The following ARMH1 variants were observed in gnomAD, a reference collection of about 807,000 sequenced individuals.
ARMH1 encodes the protein armadillo-like helical domain containing protein 1.
In ARMH1, 34 loss-of-function variants were observed where a neutral mutation model predicts 50.2. That is an observed-to-expected ratio of 0.68 (90% CI 0.51 to 0.90). ARMH1 has a LOEUF of 0.90. Among genes scored for constraint, ARMH1 ranks in the 40% least tolerant of loss-of-function variants. The probability of loss-of-function intolerance (pLI) is 0.00; values close to 1 mark genes in which losing one functional copy is unlikely to be tolerated. For missense variants in ARMH1, 538 were observed against 553.9 expected (o/e 0.97, Z 0.29); for synonymous variants, 221 against 224.2 (o/e 0.99, Z 0.13).
rs1415720255 is a variant in ARMH1, at chr1:44,682,750, A to T, written c.-22-6926A>T. Among the ~76,000 whole-genome samples the T allele has an allele frequency of 6.6e-6, 1 of 152,042 alleles. No homozygotes were observed. Among genetic ancestry groups the T allele is most frequent in the Non-Finnish European group, 1.5e-5 (1 of 68,008 alleles). On this transcript the variant is annotated intron_variant, in intron 1 of 11. Transcript: ENST00000535358. The surrounding 1 kb of genome is among the most constrained non-coding windows in gnomAD (Gnocchi z 4.5). Reference sequence around the variant, plus strand: ...ACACCAGCCTGGGCAACGAAGCAAGACCCCACCTCTACAAAAAATAAACAA... The same window carrying T: ...ACACCAGCCTGGGCAACGAAGCAAGTCCCCACCTCTACAAAAAATAAACAA...
intron 6 of ARMH1, among the ~76,000 whole-genome samples, chr1:44,714,174 G>A (rs1362789236): frequency 2.6e-5 from 4 of 151,764 alleles, no homozygotes; most frequent in Non-Finnish European, 5.9e-5. Flanking sequence ...GGAGGCTGAG[G>A]CAGTAGAATG....
intron 1 of ARMH1, among the ~76,000 whole-genome samples, chr1:44,675,471 A>G (rs1645105164): frequency 6.6e-6 from 1 of 152,130 alleles, no homozygotes. Context: ...AGCCTGGGCA[A>G]CATAGTGAGA....
intron 6 of ARMH1, among the ~76,000 whole-genome samples, chr1:44,719,574 G>A (rs1647000687): frequency 6.6e-6 from 1 of 152,214 alleles, no homozygotes; most frequent in South Asian, 2.1e-4. Context: ...CCAGACCACT[G>A]CTCTTTTGGA....
At chr1:44,711,647 A>G (rs542183216) in intron 6 of ARMH1, among the ~76,000 whole-genome samples, 16 of 152,150 alleles carry the variant, frequency 1.1e-4, no homozygotes, top group African/African-American at 3.9e-4. Context: ...ATTTTCAATG[A>G]TTTAAGTTTC....
At chr1:44,722,508 G>A (rs1456761341) in intron 6 of ARMH1, among the ~76,000 whole-genome samples, 2 of 150,630 alleles carry the variant, frequency 1.3e-5, no homozygotes, top group Non-Finnish European at 3.0e-5. Flanking sequence ...ACTTTGGGAG[G>A]CCTGAGCACT....
intron 5 of ARMH1, 133 bp from the exon 6 acceptor site, chr1:44,703,956 G>C: frequency 1.6e-6 from 1 of 622,202 alleles, no homozygotes; most frequent in Non-Finnish European, 2.9e-6. Flanking sequence ...TGGATCTCCT[G>C]ACCTCGTGAT....
At chr1:44,694,509 C>CTTTTTT (rs10531731) in intron 2 of ARMH1, among the ~76,000 whole-genome samples, 6 of 113,660 alleles carry the variant, frequency 5.3e-5, no homozygotes, top group Admixed American at 1.9e-4. Context: ...TTCTTTTTTT[C>CTTTTTT]TTTTTTTTTT....
At chr1:44,721,736 A>C (rs188282980) in intron 6 of ARMH1, 3 of 152,130 alleles carry the variant, frequency 2.0e-5, no homozygotes, top group Admixed American at 1.3e-4. Flanking sequence ...CCAACCTCCC[A>C]AAGCATGAAA....
chr1:44,693,532 T>G (rs1645725892), intron 2 of ARMH1, among the ~76,000 whole-genome samples: 1 of 152,096 alleles, frequency 6.6e-6, no homozygotes, highest in African/African-American at 2.4e-5. Context: ...CTCTGCAGCC[T>G]CAACCTCCCG....
intron 2 of ARMH1, among the ~76,000 whole-genome samples, chr1:44,693,427 A>G (rs1472709662): frequency 6.6e-6 from 1 of 151,932 alleles, no homozygotes; most frequent in Non-Finnish European, 1.5e-5. Context: ...GTGATGTCTT[A>G]TTCATCTCAT....
chr1:44,723,464 G>C (rs1315208184), intron 6 of ARMH1, among the ~76,000 whole-genome samples: 1 of 152,106 alleles, frequency 6.6e-6, no homozygotes, highest in African/African-American at 2.4e-5. Context: ...ATAAATTCTA[G>C]TCCCCTTCTC....
Position 44,681,033 on chromosome 1 carries a change from C to T in ARMH1, c.-23+6160C>T, listed in dbSNP as rs1246996993. Among the ~76,000 whole-genome samples the T allele has an allele frequency of 1.4e-5, 2 of 145,506 alleles. No homozygotes were observed. Among genetic ancestry groups the T allele is most frequent in the Admixed American group, 6.9e-5 (1 of 14,582 alleles). On this transcript the variant is annotated intron_variant, in intron 1 of 11. Coordinates refer to ENST00000535358, the MANE Select transcript of ARMH1 (RefSeq NM_001145636.2). The surrounding 1 kb of genome is among the most constrained non-coding windows in gnomAD (Gnocchi z 4.3). ...TTTTTGAGACGGAGTCTCGCTCTGT[C>T]ACCCAGGCTGGAGTGTAGTGGCGTG...
At chr1:44,697,859 C>A (rs1047251078) in intron 3 of ARMH1, among the ~76,000 whole-genome samples, 2 of 152,170 alleles carry the variant, frequency 1.3e-5, no homozygotes, top group African/African-American at 4.8e-5. Flanking sequence ...GCTGGAATGG[C>A]AAAACCAAGA....
rs111854060 is a variant in ARMH1, at chr1:44,680,600, A to G, written c.-23+5727A>G. Reference sequence around the variant, plus strand: ...AAGGGTAGAAGCTTACGGAAAAAGTAGTTAGGAGATGGCTTTGTTTGTATA... The same window carrying G: ...AAGGGTAGAAGCTTACGGAAAAAGTGGTTAGGAGATGGCTTTGTTTGTATA... On this transcript the variant is annotated intron_variant, in intron 1 of 11. Transcript: ENST00000535358. Among the ~76,000 whole-genome samples the G allele has an allele frequency of 2.9e-3, 446 of 152,336 alleles. 4 individuals are homozygous for G. Among genetic ancestry groups the G allele is most frequent in the African/African-American group, 0.01 (426 of 41,574 alleles).
chr1:44,708,958 A>G (rs1000599463), intron 6 of ARMH1, among the ~76,000 whole-genome samples: 2 of 152,078 alleles, frequency 1.3e-5, no homozygotes, highest in African/African-American at 2.4e-5. Context: ...TCTATCTTCC[A>G]TTGTTAAAAG....
chr1:44,680,697 A>G (rs143768129), intron 1 of ARMH1, among the ~76,000 whole-genome samples: 60 of 152,288 alleles, frequency 3.9e-4, no homozygotes, highest in Non-Finnish European at 6.5e-4. Context: ...TGAAGACAGG[A>G]GTAGAACCTA....
At chr1:44,718,891 G>T (rs1269520220) in intron 6 of ARMH1, among the ~76,000 whole-genome samples, 1 of 152,044 alleles carries the variant, frequency 6.6e-6, no homozygotes, top group African/African-American at 2.4e-5. Context: ...TGGCCAGTGT[G>T]GTGCATGCCT....
rs1305192459 is a variant in ARMH1, at chr1:44,681,208, G to A, written c.-23+6335G>A. On this transcript the variant is annotated intron_variant, in intron 1 of 11. Coordinates refer to ENST00000535358, the MANE Select transcript of ARMH1 (RefSeq NM_001145636.2). The surrounding 1 kb of genome is among the most constrained non-coding windows in gnomAD (Gnocchi z 4.3). ...GAGGGGGTTTCACCGTGTTAGCCAG[G>A]ATGGTCTCGATCTCCTGACCTCGTG... is the stretch of plus-strand genomic sequence containing the variant. 6.6e-6 allele frequency among the ~76,000 whole-genome samples: 1 copy of A among 152,040 alleles called. No individual in the cohort carries two copies. Among genetic ancestry groups the A allele is most frequent in the African/African-American group, 2.4e-5 (1 of 41,406 alleles).
chr1:44,689,554 G>C, intron 1 of ARMH1, 122 bp from the exon 2 acceptor site: 2 of 735,016 alleles, frequency 2.7e-6, no homozygotes, highest in Admixed American at 2.4e-5. Flanking sequence ...TATATTTTGC[G>C]CATAACTACA....
Sources: allele counts gnomAD v4.1 joint callset (sites outside exome capture counted in the v4.1 genomes callset), GRCh38; gene constraint gnomAD v4.1.1; non-coding constraint Gnocchi (gnomAD v3.1); transcripts MANE v1.5; gene names NCBI Gene and HGNC (gene_info 2026-07-23, HGNC 2026-07-21).